The following SLC5A10 variants were observed in gnomAD, a reference collection of about 807,000 sequenced individuals.
SLC5A10 encodes solute carrier family 5 member 10.
In SLC5A10, 55 loss-of-function variants were observed where a neutral mutation model predicts 68.9. That is an observed-to-expected ratio of 0.80 (90% CI 0.64 to 1.00). The LOEUF (loss-of-function observed/expected upper bound fraction) is 1.00. Among genes scored for constraint, SLC5A10 ranks in the 50% least tolerant of loss-of-function variants. The pLI, the probability that SLC5A10 is intolerant of heterozygous loss-of-function variation, is 0.00. For missense variants in SLC5A10, 732 were observed against 819.3 expected (o/e 0.89, Z 1.30); for synonymous variants, 344 against 344.8 (o/e 1.00, Z 0.02).
At chr17:18,970,580 ATC>A in intron 7 of SLC5A10, 3 of 198,280 alleles carry the variant, frequency 1.5e-5, no homozygotes, top group South Asian at 9.6e-5. Flanking sequence ...CTCTGCTAAA[ATC>A]ACACCCTTCA....
rs1240640239 is a variant in SLC5A10, at chr17:18,968,569, G to A, written c.454-483G>A. 6.6e-6 allele frequency among the ~76,000 whole-genome samples: 1 copy of A among 152,172 alleles called. No individual in the cohort carries two copies. Among genetic ancestry groups the A allele is most frequent in the Admixed American group, 6.5e-5 (1 of 15,280 alleles). Reference sequence around the variant, plus strand: ...TATTGGCTTCAGTTCCAAACCCACTGGGGGGTGGGGGCAGGAAGCAAGGCT... The same window carrying A: ...TATTGGCTTCAGTTCCAAACCCACTAGGGGGTGGGGGCAGGAAGCAAGGCT... On this transcript the variant is annotated intron_variant, in intron 5 of 14. Coordinates refer to ENST00000395645, the MANE Select transcript of SLC5A10 (RefSeq NM_001042450.4). This position sits in a 1 kb window ranked among gnomAD's most constrained non-coding sequence, Gnocchi z 4.1.
chr17:18,955,344 G>A (rs1168474153), intron 1 of SLC5A10, among the ~76,000 whole-genome samples: 1 of 152,160 alleles, frequency 6.6e-6, no homozygotes, highest in African/African-American at 2.4e-5. Context: ...AGATGGGTGT[G>A]TTTTCATCTC....
intron 9 of SLC5A10, among the ~76,000 whole-genome samples, chr17:18,985,029 A>G (rs1363451644): frequency 6.6e-6 from 1 of 152,066 alleles, no homozygotes; most frequent in Non-Finnish European, 1.5e-5. Flanking sequence ...GCGTTTCGAG[A>G]GTGTGTTGGT....
rs73306493 is a variant in SLC5A10, at chr17:18,996,654, G to A, written c.983-16756G>A. Among the ~76,000 whole-genome samples, 156 of 152,294 alleles carry A rather than the reference G, an allele frequency of 1.0e-3. No homozygotes were observed. The highest frequency in any genetic ancestry group is 3.5e-3 in the African/African-American group (145 of 41,558). On this transcript the variant is annotated intron_variant, in intron 9 of 14. Coordinates refer to ENST00000395645, the MANE Select transcript of SLC5A10 (RefSeq NM_001042450.4). The surrounding 1 kb of genome is among the most constrained non-coding windows in gnomAD (Gnocchi z 4.4). ...GATAATTAGGCCAACCAGCTGGCAC[G>A]CATACAGGTGTCCCTTTTCTGGAGA...
chr17:18,978,298 G>C, intron 9 of SLC5A10: 1 of 1,610,666 alleles, frequency 6.2e-7, no homozygotes, highest in Non-Finnish European at 8.5e-7. Context: ...GGTGCTGGGC[G>C]CTGGCCTGGG....
At chr17:19,016,147 G>A (rs1472758523) in intron 11 of SLC5A10, among the ~76,000 whole-genome samples, 1 of 151,928 alleles carries the variant, frequency 6.6e-6, no homozygotes, top group Non-Finnish European at 1.5e-5. Flanking sequence ...CCGGGTTCAA[G>A]AGATTCTCGT....
chr17:18,985,520 A>C (rs1401663643), intron 9 of SLC5A10, among the ~76,000 whole-genome samples: 1 of 152,140 alleles, frequency 6.6e-6, no homozygotes, highest in Non-Finnish European at 1.5e-5. Context: ...CCCAGGGATT[A>C]TCGGCAAAGG....
At chr17:18,979,037 C>T in intron 9 of SLC5A10, 1 of 649,884 alleles carries the variant, frequency 1.5e-6, no homozygotes. Flanking sequence ...AAGTTGGTTG[C>T]ACCAAGCCCA....
chr17:18,960,041 C>T (rs982171019), intron 4 of SLC5A10, among the ~76,000 whole-genome samples: 11 of 152,132 alleles, frequency 7.2e-5, no homozygotes, highest in African/African-American at 4.8e-5. Context: ...CCCTGGGCTG[C>T]GTACCTGAAT....
intron 5 of SLC5A10, among the ~76,000 whole-genome samples, chr17:18,967,376 C>A (rs142949448): frequency 1.3e-5 from 2 of 152,052 alleles, no homozygotes; most frequent in African/African-American, 4.8e-5. Context: ...GGAGGGAGGG[C>A]GAATGAACAA....
At chr17:18,988,936 C>G (rs991985773) in intron 9 of SLC5A10, among the ~76,000 whole-genome samples, 2 of 152,216 alleles carry the variant, frequency 1.3e-5, no homozygotes, top group African/African-American at 4.8e-5. Flanking sequence ...GCACCACCAA[C>G]AGGGCAGGGG....
At chr17:18,962,921 C>T (rs2042639975) in intron 5 of SLC5A10, among the ~76,000 whole-genome samples, 2 of 152,138 alleles carry the variant, frequency 1.3e-5, no homozygotes, top group African/African-American at 2.4e-5. Context: ...GGCGGAACTT[C>T]TAGAAAGGCA....
intron 9 of SLC5A10, among the ~76,000 whole-genome samples, chr17:18,980,486 C>A (rs1012561268): frequency 6.6e-6 from 1 of 152,296 alleles, no homozygotes; most frequent in South Asian, 2.1e-4. Context: ...AAGGCCAGGT[C>A]GTCACCGGCC....
chr17:18,976,767 G>A (rs939537784), intron 8 of SLC5A10, 87 bp from the exon 9 acceptor site: 17 of 1,541,228 alleles, frequency 1.1e-5, no homozygotes, highest in Middle Eastern at 3.4e-4. Context: ...CGTGCCTCAT[G>A]CCCATTCCCT....
chr17:18,954,348 C>G (rs1263050588), intron 1 of SLC5A10, among the ~76,000 whole-genome samples: 2 of 152,202 alleles, frequency 1.3e-5, no homozygotes, highest in Non-Finnish European at 2.9e-5. Flanking sequence ...CCCTTTGTAG[C>G]CCAGTGACTT....
At position 18,992,484 on chromosome 17, in the gene SLC5A10, G is replaced by A. The variant is rs367673365; in HGVS notation, c.982+15495G>A. 6.6e-5 allele frequency among the ~76,000 whole-genome samples: 10 copies of A among 152,352 alleles called. 1 individual carries two copies. Among genetic ancestry groups the A allele is most frequent in the Admixed American group, 5.2e-4 (8 of 15,306 alleles). On this transcript the variant is annotated intron_variant, in intron 9 of 14. Transcript: ENST00000395645. ...CACCTGTGGCCACTGCCCCCCAGCA[G>A]ACACGGCCTGAAGCCACGTAACACT...
At chr17:18,959,087 C>A in intron 2 of SLC5A10, 48 bp from the exon 3 acceptor site, 1 of 1,565,498 alleles carries the variant, frequency 6.4e-7, no homozygotes, top group Non-Finnish European at 8.7e-7. Context: ...CAGGATGGGG[C>A]CGGCGCAGGG....
chr17:19,001,720 T>C (rs2043733659), intron 9 of SLC5A10, among the ~76,000 whole-genome samples: 1 of 152,328 alleles, frequency 6.6e-6, no homozygotes, highest in Admixed American at 6.5e-5. Flanking sequence ...GTCACAGCTG[T>C]AGCCAGAGAC....
Position 19,022,161 on chromosome 17 carries a change from T to G in SLC5A10, c.*1730T>G. ...CCCAGGTGACTGCAAGAAGAGGAGG[T>G]GGTTAGTAGGGTGCCTTCAGAAGCC... is the stretch of plus-strand genomic sequence containing the variant. On this transcript the variant is annotated 3_prime_UTR_variant, in exon 15 of 15. Transcript: ENST00000395645. 7.1e-7 allele frequency: 1 copy of G among 1,400,936 alleles called. No individual in the cohort carries two copies. The highest frequency in any genetic ancestry group is 9.4e-7 in the Non-Finnish European group (1 of 1,059,322). 86.8% of individuals were successfully genotyped at this position (1,400,936 alleles called of 1,614,324 possible). A position where few individuals can be genotyped will look rare whatever the true frequency, so the allele number is the denominator to read the frequency against.
Sources: allele counts gnomAD v4.1 joint callset (sites outside exome capture counted in the v4.1 genomes callset), GRCh38; gene constraint gnomAD v4.1.1; non-coding constraint Gnocchi (gnomAD v3.1); transcripts MANE v1.5; gene names NCBI Gene and HGNC (gene_info 2026-07-23, HGNC 2026-07-21).